Variants in PRKCA observed in about 807,000 individuals in gnomAD.
PRKCA encodes the protein protein kinase C alpha, also known as protein kinase C alpha type.
A neutral mutation model predicts 87.0 loss-of-function variants in PRKCA; 27 were observed. That is an observed-to-expected ratio of 0.31 (90% CI 0.23 to 0.43). The LOEUF (loss-of-function observed/expected upper bound fraction) is 0.43, where lower values mean the gene tolerates loss of function less well. PRKCA is among the 20% of genes least tolerant of loss of function. The pLI is 1.00. For synonymous variants in PRKCA, 329 were observed against 311.1 expected (o/e 1.06, Z -0.61); for missense variants, 518 against 852.3 (o/e 0.61, Z 4.88).
intron 3 of PRKCA, among the ~76,000 whole-genome samples, chr17:66,631,756 C>G (rs553562966): frequency 6.6e-6 from 1 of 152,248 alleles, no homozygotes; most frequent in South Asian, 2.1e-4. Flanking sequence ...ACTCCATTCT[C>G]CATGATGTGC....
chr17:66,773,881 A>T, intron 13 of PRKCA, 106 bp from the exon 14 acceptor site: 1 of 1,544,454 alleles, frequency 6.5e-7, no homozygotes, highest in Non-Finnish European at 8.8e-7. Context: ...TTAGCACCTC[A>T]TCTGCATGAA....
intron 3 of PRKCA, among the ~76,000 whole-genome samples, chr17:66,554,029 CA>C (rs1968421337): frequency 6.6e-6 from 1 of 152,050 alleles, no homozygotes; most frequent in Non-Finnish European, 1.5e-5. Context: ...CTGAGAAGTA[CA>C]AGACCTGTAA....
intron 2 of PRKCA, among the ~76,000 whole-genome samples, chr17:66,468,773 A>G (rs1465096329): frequency 6.6e-6 from 1 of 152,182 alleles, no homozygotes; most frequent in Non-Finnish European, 1.5e-5. Context: ...GAAGAGAAAC[A>G]GAAGTTGTGG....
intron 8 of PRKCA, chr17:66,703,682 C>G (rs1042036739): frequency 6.6e-6 from 1 of 152,014 alleles, no homozygotes; most frequent in Non-Finnish European, 1.5e-5. Flanking sequence ...GTAATCCCAG[C>G]TACTTGGGAG....
intron 8 of PRKCA, among the ~76,000 whole-genome samples, chr17:66,707,231 T>C (rs948257566): frequency 5.3e-4 from 80 of 152,218 alleles, no homozygotes; most frequent in African/African-American, 1.8e-3. Flanking sequence ...TTTATGTGGT[T>C]CTCTGGCCTC....
At chr17:66,442,076 T>TC (rs1004369040) in intron 2 of PRKCA, among the ~76,000 whole-genome samples, 2 of 151,956 alleles carry the variant, frequency 1.3e-5, no homozygotes, top group African/African-American at 2.4e-5. Context: ...CTTTTTTTTT[T>TC]CTTTGAGATG....
At chr17:66,522,824 G>A (rs1399370) in intron 3 of PRKCA, among the ~76,000 whole-genome samples, 88,130 of 147,712 alleles carry the variant, frequency 0.6, 27,299 homozygotes, top group African/African-American at 0.78. Flanking sequence ...AAAAAAAAAA[G>A]AAGAAGCCAG....
intron 3 of PRKCA, among the ~76,000 whole-genome samples, chr17:66,605,673 A>G (rs9897094): frequency 0.34 from 52,161 of 152,080 alleles, 9,377 homozygotes; most frequent in African/African-American, 0.4. Context: ...CATTCATAGT[A>G]GCCAAATGTC....
chr17:66,609,462 C>T (rs1438612710), intron 3 of PRKCA, among the ~76,000 whole-genome samples: 2 of 152,202 alleles, frequency 1.3e-5, no homozygotes, highest in African/African-American at 4.8e-5. Context: ...AACAATGGTA[C>T]TGTGACTTTG....
intron 3 of PRKCA, among the ~76,000 whole-genome samples, chr17:66,613,413 TG>T (rs140134440): frequency 0.033 from 5,043 of 152,306 alleles, 274 homozygotes; most frequent in African/African-American, 0.11. Context: ...ACTTTAAATC[TG>T]TTTCCAGACT....
intron 2 of PRKCA, among the ~76,000 whole-genome samples, chr17:66,445,394 C>T (rs1045750640): frequency 2.6e-5 from 4 of 152,216 alleles, no homozygotes; most frequent in Non-Finnish European, 2.9e-5. Flanking sequence ...ACTGGAGAGT[C>T]CAAGCATTGG....
chr17:66,313,750 C>A (rs915305023), intron 2 of PRKCA, among the ~76,000 whole-genome samples: 4 of 152,048 alleles, frequency 2.6e-5, no homozygotes, highest in Non-Finnish European at 5.9e-5. Context: ...AATTTTTGTA[C>A]CTGAAAGGTT....
At chr17:66,609,981 A>G (rs576476980) in intron 3 of PRKCA, among the ~76,000 whole-genome samples, 2 of 152,204 alleles carry the variant, frequency 1.3e-5, no homozygotes, top group South Asian at 2.1e-4. Context: ...AGTTCAGTGT[A>G]ATTCTGAGAT....
At chr17:66,718,119 A>G (rs930340790) in intron 8 of PRKCA, among the ~76,000 whole-genome samples, 1 of 152,226 alleles carries the variant, frequency 6.6e-6, no homozygotes, top group African/African-American at 2.4e-5. Context: ...TCGGGCTGCT[A>G]TAGCAAAATA....
intron 3 of PRKCA, among the ~76,000 whole-genome samples, chr17:66,532,108 T>C (rs1967563990): frequency 6.6e-6 from 1 of 151,944 alleles, no homozygotes; most frequent in Non-Finnish European, 1.5e-5. Context: ...GGTTTTGCCT[T>C]TAGGGATGGA....
In PRKCA at chr17:66,808,355, A is replaced by G. The variant is rs191874471; in HGVS notation, c.*4318A>G. On this transcript the variant is annotated 3_prime_UTR_variant, in exon 17 of 17. Coordinates refer to ENST00000413366, the MANE Select transcript of PRKCA (RefSeq NM_002737.3). ...TTTTTTTGCTGGAATTTGTTTTCTC[A>G]GTACTGAAAAGAGAAAAAGTGACAA... is the stretch of plus-strand genomic sequence containing the variant. 2 of 95,036 alleles carry G rather than the reference A, an allele frequency of 2.1e-5. No homozygotes were observed. The highest frequency in any genetic ancestry group is 7.8e-4 in the East Asian group (2 of 2,558). The allele number at this position is 95,036 out of a possible 1,614,324, so 5.9% of individuals were successfully genotyped here.
intron 4 of PRKCA, among the ~76,000 whole-genome samples, chr17:66,642,519 G>A (rs898362068): frequency 6.6e-5 from 10 of 152,066 alleles, no homozygotes; most frequent in Admixed American, 5.2e-4. Context: ...GTTAATTGCC[G>A]AGCCTGTTTT....
chr17:66,620,546 A>G (rs912792220), intron 3 of PRKCA, among the ~76,000 whole-genome samples: 24 of 152,344 alleles, frequency 1.6e-4, no homozygotes, highest in East Asian at 5.8e-4. Context: ...TTTGTTAGCT[A>G]AACATGTCAT....
At chr17:66,695,717 A>T (rs1972901687) in intron 8 of PRKCA, among the ~76,000 whole-genome samples, 1 of 152,214 alleles carries the variant, frequency 6.6e-6, no homozygotes, top group African/African-American at 2.4e-5. Context: ...TCTAATATTT[A>T]AAAAGCCAAA....
Sources: gnomAD v4.1 joint callset for allele counts (sites outside exome capture counted in the v4.1 genomes callset) on GRCh38, gnomAD v4.1.1 for gene constraint, MANE v1.5 for transcripts, NCBI Gene and HGNC (gene_info 2026-07-23, HGNC 2026-07-21) for gene names.